The following SLC35D4 variants were observed in gnomAD, a reference collection of about 807,000 sequenced individuals.
The protein encoded by SLC35D4 is solute carrier family 35 member D4.
At chr18:23,353,889 T>C in the SLC35D4 span, among the ~76,000 whole-genome samples, 3 of 152,152 alleles carry the variant, frequency 2.0e-5, no homozygotes, top group African/African-American at 7.2e-5. Context: ...GCAGTCCTCA[T>C]CCTATCTTAA....
chr18:23,401,397 G>A, the SLC35D4 span, among the ~76,000 whole-genome samples: 1 of 152,084 alleles, frequency 6.6e-6, no homozygotes, highest in Non-Finnish European at 1.5e-5. Context: ...ATTATCTGAG[G>A]GATATTCTGT....
chr18:23,393,982 C>T, the SLC35D4 span, among the ~76,000 whole-genome samples: 3 of 152,184 alleles, frequency 2.0e-5, no homozygotes. Context: ...ATTGCTTCTA[C>T]CTTTTGTCTA....
At chr18:23,396,757 G>A in the SLC35D4 span, among the ~76,000 whole-genome samples, 2 of 152,232 alleles carry the variant, frequency 1.3e-5, no homozygotes, top group South Asian at 2.1e-4. Flanking sequence ...TCTAAAAAAA[G>A]GCTGTGCTCT....
the SLC35D4 span, among the ~76,000 whole-genome samples, chr18:23,389,759 C>T: frequency 6.6e-6 from 1 of 152,048 alleles, no homozygotes; most frequent in Non-Finnish European, 1.5e-5. Context: ...GGCTGGTCTC[C>T]AACTCCTGAC....
At chr18:23,261,056 G>A in the SLC35D4 span, among the ~76,000 whole-genome samples, 1 of 152,216 alleles carries the variant, frequency 6.6e-6, no homozygotes. Flanking sequence ...AGGTAGTCCA[G>A]AAAGGCTGCA....
chr18:23,314,192 T>A, the SLC35D4 span, among the ~76,000 whole-genome samples: 1 of 152,160 alleles, frequency 6.6e-6, no homozygotes, highest in East Asian at 1.9e-4. Flanking sequence ...GGAGTGACAG[T>A]CTCCCAAATT....
chr18:23,274,112 T>G, the SLC35D4 span, among the ~76,000 whole-genome samples: 1 of 152,106 alleles, frequency 6.6e-6, no homozygotes, highest in African/African-American at 2.4e-5. Flanking sequence ...TTTTTAAATT[T>G]TTTTGTAGAG....
At chr18:23,344,803 T>C in the SLC35D4 span, among the ~76,000 whole-genome samples, 1 of 152,228 alleles carries the variant, frequency 6.6e-6, no homozygotes, top group Admixed American at 6.5e-5. Flanking sequence ...GGTTTCACCA[T>C]GTTAGCCAGG....
At chr18:23,394,858 C>T in the SLC35D4 span, among the ~76,000 whole-genome samples, 1 of 151,702 alleles carries the variant, frequency 6.6e-6, no homozygotes, top group Non-Finnish European at 1.5e-5. Flanking sequence ...TGGTGCATGC[C>T]TGTAACCCCA....
the SLC35D4 span, among the ~76,000 whole-genome samples, chr18:23,357,525 T>A: frequency 6.6e-6 from 1 of 152,222 alleles, no homozygotes; most frequent in Non-Finnish European, 1.5e-5. Context: ...TTGGAGAGCC[T>A]GGTCTTCCAG....
chr18:23,386,854 T>C, the SLC35D4 span, among the ~76,000 whole-genome samples: 5 of 152,080 alleles, frequency 3.3e-5, no homozygotes, highest in African/African-American at 9.7e-5. Context: ...AATGGATAGG[T>C]AGCCTTGACA....
chr18:23,339,895 C>T, the SLC35D4 span, among the ~76,000 whole-genome samples: 4 of 152,206 alleles, frequency 2.6e-5, no homozygotes, highest in African/African-American at 9.6e-5. Flanking sequence ...CCTCTTACTA[C>T]CATCACCTTG....
chr18:23,381,038 G>C, the SLC35D4 span, among the ~76,000 whole-genome samples: 1 of 152,166 alleles, frequency 6.6e-6, no homozygotes, highest in Admixed American at 6.5e-5. Flanking sequence ...TATGATAAGG[G>C]ATGACTTCAT....
At chr18:23,337,852 G>C in the SLC35D4 span, among the ~76,000 whole-genome samples, 5 of 152,344 alleles carry the variant, frequency 3.3e-5, no homozygotes, top group East Asian at 9.6e-4. Flanking sequence ...TAGCAGGAGA[G>C]ATAGGAAGTT....
the SLC35D4 span, among the ~76,000 whole-genome samples, chr18:23,306,001 G>A: frequency 6.6e-6 from 1 of 152,190 alleles, no homozygotes; most frequent in African/African-American, 2.4e-5. Flanking sequence ...GTATTCCACA[G>A]GGCCACTGGT....
chr18:23,323,849 C>T, the SLC35D4 span, among the ~76,000 whole-genome samples: 8 of 151,912 alleles, frequency 5.3e-5, no homozygotes, highest in African/African-American at 1.7e-4. Flanking sequence ...GAGGCCGAGG[C>T]GGGTGGATCA....
At chr18:23,262,380 C>T in the SLC35D4 span, among the ~76,000 whole-genome samples, 8 of 152,160 alleles carry the variant, frequency 5.3e-5, no homozygotes, top group African/African-American at 1.9e-4. Context: ...ACAGATACAG[C>T]GTTAGGATGG....
At chr18:23,386,124 CAAAAAAAAAAAA>C in the SLC35D4 span, among the ~76,000 whole-genome samples, 2 of 41,132 alleles carry the variant, frequency 4.9e-5, no homozygotes, top group African/African-American at 1.8e-4. Context: ...GACTCTGTCT[CAAAAAAAAAAAA>C]AAAAAAAAAA....
At chr18:23,392,202 T>G in the SLC35D4 span, among the ~76,000 whole-genome samples, 1 of 152,046 alleles carries the variant, frequency 6.6e-6, no homozygotes. Context: ...CCTCCCAAAG[T>G]GCTAGGATTA....
Sources: allele counts gnomAD v4.1 joint callset (sites outside exome capture counted in the v4.1 genomes callset), GRCh38; gene constraint gnomAD v4.1.1; transcripts MANE v1.5; gene names NCBI Gene and HGNC (gene_info 2026-07-23, HGNC 2026-07-21).